Variants in GSG1L observed in about 807,000 individuals in gnomAD.
GSG1L encodes GSG1 like.
GSG1L carries 24 observed loss-of-function variants against 42.1 expected under a neutral mutation model. The observed-to-expected ratio is 0.57, with a 90% confidence interval of 0.41 to 0.80. The LOEUF (loss-of-function observed/expected upper bound fraction) is 0.80. Among genes scored for constraint, GSG1L ranks in the 30% least tolerant of loss-of-function variants. The pLI is 0.00. For missense variants in GSG1L, 445 were observed against 472.2 expected, an observed-to-expected ratio of 0.94 and a Z score of 0.53; for synonymous variants, 215 against 203.5, an observed-to-expected ratio of 1.06 and a Z score of -0.48.
intron 1 of GSG1L, among the ~76,000 whole-genome samples, chr16:27,977,177 G>T (rs1325801881): frequency 6.6e-6 from 1 of 152,210 alleles, no homozygotes; most frequent in Non-Finnish European, 1.5e-5. Flanking sequence ...CAGAGGCAGA[G>T]TGACCTACCC....
chr16:27,879,342 C>T (rs886644222), intron 3 of GSG1L, among the ~76,000 whole-genome samples: 4 of 152,148 alleles, frequency 2.6e-5, no homozygotes, highest in Non-Finnish European at 4.4e-5. Flanking sequence ...TTGGGGCCCA[C>T]GCCTGTAATC....
intron 3 of GSG1L, among the ~76,000 whole-genome samples, chr16:27,850,177 A>ACCCG (rs2083493991): frequency 6.6e-6 from 1 of 151,550 alleles, no homozygotes; most frequent in Non-Finnish European, 1.5e-5. Flanking sequence ...TACAGGTGCC[A>ACCCG]CCACTACACC....
At chr16:27,960,694 A>G (rs2085059823) in intron 2 of GSG1L, among the ~76,000 whole-genome samples, 1 of 152,146 alleles carries the variant, frequency 6.6e-6, no homozygotes, top group Non-Finnish European at 1.5e-5. Flanking sequence ...TGTCTACTGG[A>G]AGGGCTGGGC....
Position 28,059,545 on chromosome 16 carries a change from C to T in GSG1L, c.349+3531G>A, listed in dbSNP as rs966865301. On this transcript the variant is annotated intron_variant, in intron 1 of 6. Coordinates refer to ENST00000447459, the MANE Select transcript of GSG1L (RefSeq NM_001109763.2). The surrounding 1 kb of genome is among the most constrained non-coding windows in gnomAD (Gnocchi z 4.4). ...CAAAAGCATACAGGATGAAGTCCAACGCATGTGGACGTCACCTGTGCTCCC... is the reference window on the plus strand; with the variant it reads ...CAAAAGCATACAGGATGAAGTCCAATGCATGTGGACGTCACCTGTGCTCCC... Among the ~76,000 whole-genome samples, 2 of 150,332 alleles carry T rather than the reference C, an allele frequency of 1.3e-5. No individual in the cohort carries two copies. Among genetic ancestry groups the T allele is most frequent in the Admixed American group, 6.7e-5 (1 of 14,934 alleles).
chr16:28,043,905 C>T (rs184016073), intron 1 of GSG1L, among the ~76,000 whole-genome samples: 1 of 151,808 alleles, frequency 6.6e-6, no homozygotes, highest in Admixed American at 6.6e-5. Flanking sequence ...GCCTGTAGTC[C>T]CAGCTACTCA....
intron 2 of GSG1L, among the ~76,000 whole-genome samples, chr16:27,918,758 T>C (rs538722894): frequency 6.6e-6 from 1 of 152,164 alleles, no homozygotes; most frequent in South Asian, 2.1e-4. Context: ...GCAGGAAGAA[T>C]CTTTGTAAAA....
At position 27,987,021 on chromosome 16, in the gene GSG1L, C is replaced by G. The variant is rs1052198052; in HGVS notation, c.350-23818G>C. On this transcript the variant is annotated intron_variant, in intron 1 of 6. Transcript: ENST00000447459. Reference sequence around the variant, plus strand: ...CACCTGAGGTCAGGAGTTCGAGACCCACCTGGCCAACATGGTGAAACCCCG... The same window carrying G: ...CACCTGAGGTCAGGAGTTCGAGACCGACCTGGCCAACATGGTGAAACCCCG... Among the ~76,000 whole-genome samples the G allele has an allele frequency of 3.3e-5, 5 of 151,934 alleles. No individual in the cohort carries two copies. In the South Asian group the frequency reaches 6.2e-4, roughly 19 times the overall value.
At chr16:27,807,076 GTGTT>G (rs775240809) in intron 6 of GSG1L, among the ~76,000 whole-genome samples, 1 of 152,256 alleles carries the variant, frequency 6.6e-6, no homozygotes, top group Non-Finnish European at 1.5e-5. Context: ...CCACAGCAAA[GTGTT>G]TGAAGTGAAT....
chr16:27,894,844 G>A (rs2084172411), intron 2 of GSG1L, among the ~76,000 whole-genome samples: 1 of 152,150 alleles, frequency 6.6e-6, no homozygotes, highest in African/African-American at 2.4e-5. Context: ...TCGGGTGGGA[G>A]GCACTGTTCC....
chr16:27,927,620 A>G (rs954457481), intron 2 of GSG1L, among the ~76,000 whole-genome samples: 1 of 151,870 alleles, frequency 6.6e-6, no homozygotes, highest in Non-Finnish European at 1.5e-5. Flanking sequence ...TGATTAGAAC[A>G]CTTTCCCCAC....
rs142964439 is a variant in GSG1L at position 27,826,893 on chromosome 16, C to T, written c.830+1896G>A. ...CAGATCTGTCCAGGGCATAACAGCA[C>T]CTGCATGGGCTCAAGCAGCTGCCTG... On this transcript the variant is annotated intron_variant, in intron 5 of 6. Coordinates refer to ENST00000447459, the MANE Select transcript of GSG1L (RefSeq NM_001109763.2). Among the ~76,000 whole-genome samples the T allele has an allele frequency of 6.3e-4, 96 of 152,322 alleles. 3 individuals are homozygous for T. Among genetic ancestry groups the T allele is most frequent in the East Asian group, 6.0e-3 (31 of 5,184 alleles).
intron 1 of GSG1L, among the ~76,000 whole-genome samples, chr16:28,021,027 G>A (rs1354640225): frequency 6.6e-6 from 1 of 152,218 alleles, no homozygotes; most frequent in Non-Finnish European, 1.5e-5. Context: ...AATTATTGCT[G>A]TTTTAAGCCA....
intron 6 of GSG1L, among the ~76,000 whole-genome samples, chr16:27,806,676 C>G (rs2082966755): frequency 6.6e-6 from 1 of 152,212 alleles, no homozygotes; most frequent in African/African-American, 2.4e-5. Flanking sequence ...GATGCAGATA[C>G]AGATAGATGC....
chr16:27,821,799 GA>G (rs1291176992), intron 5 of GSG1L, among the ~76,000 whole-genome samples: 1 of 152,252 alleles, frequency 6.6e-6, no homozygotes, highest in East Asian at 1.9e-4. Context: ...AGTTACTCAG[GA>G]GGCTGAAGCA....
rs1371145277 is a variant in GSG1L, at chr16:27,865,566, T to TAC, written c.550+18919_550+18920insGT. On this transcript the variant is annotated intron_variant, in intron 3 of 6. Coordinates refer to ENST00000447459, the MANE Select transcript of GSG1L (RefSeq NM_001109763.2). Reference sequence around the variant, plus strand: ...ATATATATATATATATATATATATATATATATACACACACACATACATACA... The same window carrying TAC: ...ATATATATATATATATATATATATATACATATATACACACACACATACATACA... Among the ~76,000 whole-genome samples the TAC allele has an allele frequency of 3.7e-4, 7 of 19,148 alleles. 1 individual carries two copies. The highest frequency in any genetic ancestry group is 3.1e-3 in the African/African-American group (7 of 2,290). The allele number at this position is 19,148 out of a possible 152,430, so 12.6% of individuals were successfully genotyped here.
At chr16:28,014,703 T>A (rs2085760808) in intron 1 of GSG1L, among the ~76,000 whole-genome samples, 1 of 148,348 alleles carries the variant, frequency 6.7e-6, no homozygotes, top group South Asian at 2.2e-4. Context: ...CTCACTATGT[T>A]GTCTAGGCTG....
intron 3 of GSG1L, among the ~76,000 whole-genome samples, chr16:27,868,916 G>C (rs1408129567): frequency 2.0e-5 from 3 of 152,228 alleles, no homozygotes; most frequent in Admixed American, 6.5e-5. Flanking sequence ...CCTCCGAGAA[G>C]GGCCTGAAGG....
rs201093879 is a variant in GSG1L, at chr16:27,865,400, C to CT, written c.550+19085dup. On this transcript the variant is annotated intron_variant, in intron 3 of 6. Coordinates refer to ENST00000447459, the MANE Select transcript of GSG1L (RefSeq NM_001109763.2). ...TGAGATCCATTCCCGGCTGGGAGCC[C>CT]TACAGGTCTTCTCAGCCCCTGGGGG... 4.0e-3 allele frequency among the ~76,000 whole-genome samples: 610 copies of CT among 151,708 alleles called. 13 individuals carry two copies. Among genetic ancestry groups the CT allele is most frequent in the East Asian group, 4.3e-3 (22 of 5,112 alleles).
chr16:27,892,838 C>T (rs1596592271), intron 2 of GSG1L, among the ~76,000 whole-genome samples: 3 of 149,024 alleles, frequency 2.0e-5, no homozygotes, highest in Admixed American at 2.0e-4. Flanking sequence ...TAAGTCAATG[C>T]TAGGAAAGAA....
Sources: allele counts gnomAD v4.1 joint callset (sites outside exome capture counted in the v4.1 genomes callset), GRCh38; gene constraint gnomAD v4.1.1; non-coding constraint Gnocchi (gnomAD v3.1); transcripts MANE v1.5; gene names NCBI Gene and HGNC (gene_info 2026-07-23, HGNC 2026-07-21).